Variants in F2R observed in about 807,000 individuals in gnomAD.
The protein encoded by F2R is proteinase-activated receptor 1.
Under a neutral mutation model 18.3 loss-of-function variants are expected in F2R, and 12 were observed. The observed-to-expected ratio is 0.66, with a 90% CI of 0.42 to 1.06. The LOEUF is 1.06. F2R is among the 50% of genes least tolerant of loss of function. The pLI is 0.00. For synonymous variants in F2R, 210 were observed against 219.9 expected (o/e 0.95, Z 0.40); for missense variants, 438 against 530.8 (o/e 0.83, Z 1.72).
In F2R at chr5:76,733,343, A is replaced by G; in HGVS notation, c.1118A>G (p.Tyr373Cys). ...TGCATCGACCCCCTAATTTACTATT[A>G]CGCTTCCTCTGAGTGCCAGAGGTAC... ...SCCIDPLIYYYASSECQRYVY... is the reference protein window; with the variant it reads ...SCCIDPLIYYCASSECQRYVY... The change falls in exon 2 of 2, where the codon TAC becomes TGC. Residue 373 changes from tyrosine to cysteine, a missense_variant. Transcript: ENST00000319211. 2 of 1,614,174 alleles carry G rather than the reference A, an allele frequency of 1.2e-6. No homozygotes were observed. The highest frequency in any genetic ancestry group is 1.7e-6 in the Non-Finnish European group (2 of 1,180,028).
In F2R at chr5:76,732,443, C is replaced by G. The variant is rs768222992; in HGVS notation, c.218C>G (p.Ser73Cys). The change falls in exon 2 of 2, where the codon TCC becomes TGC. Residue 73 changes from serine (S) to cysteine (C), a missense_variant. Transcript: ENST00000319211. ...GGGTTAACTGAATACAGATTAGTCT[C>G]CATCAATAAAAGCAGTCCTCTTCAA... Reference protein sequence around the residue: ...ESGLTEYRLVSINKSSPLQKQ... With the variant: ...ESGLTEYRLVCINKSSPLQKQ... The G allele has an allele frequency of 8.7e-6, 14 of 1,614,018 alleles. No homozygotes were observed. In the Admixed American group the frequency reaches 1.5e-4, roughly 17 times the overall value.
At chr5:76,722,485 C>A (rs911849423) in intron 1 of F2R, among the ~76,000 whole-genome samples, 3 of 152,134 alleles carry the variant, frequency 2.0e-5, no homozygotes, top group East Asian at 1.9e-4. Context: ...AGTCTTCATG[C>A]CTGCTGTGGC....
Position 76,728,849 on chromosome 5 carries a change from C to A in F2R, c.89-3465C>A, listed in dbSNP as rs192253007. Among the ~76,000 whole-genome samples the A allele has an allele frequency of 3.5e-3, 528 of 152,246 alleles. 13 individuals are homozygous for A. The highest frequency in any genetic ancestry group is 0.033 in the Admixed American group (509 of 15,286). On this transcript the variant is annotated intron_variant, in intron 1 of 1. Transcript: ENST00000319211. ...GGGATTATAGGTATGCGCTACCAAG[C>A]CTGGCTAATTTTTGTAATTTTAGTA...
At chr5:76,720,216 T>C (rs1306451191) in intron 1 of F2R, among the ~76,000 whole-genome samples, 1 of 152,050 alleles carries the variant, frequency 6.6e-6, no homozygotes, top group African/African-American at 2.4e-5. Flanking sequence ...TTGGGAACCC[T>C]AGGCCAGATG....
intron 1 of F2R, among the ~76,000 whole-genome samples, chr5:76,725,779 C>G (rs1303522313): frequency 6.6e-6 from 1 of 152,170 alleles, no homozygotes; most frequent in African/African-American, 2.4e-5. Flanking sequence ...TTTCATGTTT[C>G]CACAAGTATA....
chr5:76,733,262 C>T lies in F2R; in HGVS notation c.1037C>T (p.Thr346Ile). The T allele has an allele frequency of 3.1e-6, 5 of 1,614,180 alleles. No homozygotes were observed. The highest frequency in any genetic ancestry group is 3.4e-6 in the Non-Finnish European group (4 of 1,180,026). Reference sequence around the variant, plus strand: ...TCATTCCTTTCTCACACTTCCACCACAGAGGCTGCCTACTTTGCCTACCTC... The same window carrying T: ...TCATTCCTTTCTCACACTTCCACCATAGAGGCTGCCTACTTTGCCTACCTC... The part of the protein sequence containing the change: ...HYSFLSHTST[T>I]EAAYFAYLLC... The change falls in exon 2 of 2, where the codon ACA (threonine) becomes ATA (isoleucine). Residue 346 changes from threonine to isoleucine, a missense_variant. By Grantham distance (89) the Thr-to-Ile change is moderately conservative (BLOSUM62 -1). Coordinates refer to ENST00000319211, the MANE Select transcript of F2R (RefSeq NM_001992.5).
intron 1 of F2R, 25 bp from the exon 2 acceptor site, chr5:76,732,289 A>C (rs1052596034): frequency 6.5e-7 from 1 of 1,542,098 alleles, no homozygotes; most frequent in African/African-American, 1.4e-5. Flanking sequence ...TTTACATTTA[A>C]AATTTTTTTA....
chr5:76,732,692 C>A lies in F2R; in HGVS notation c.467C>A (p.Pro156His). Residue 156 changes from proline to histidine, a missense_variant, in exon 2 of 2, where the codon CCC (proline) becomes CAC (histidine). By Grantham distance (77) the Pro-to-His change is moderately conservative. Transcript: ENST00000319211. ...TADVLFVSVL[P>H]FKISYYFSGS... is the part of the protein sequence containing the mutation. ...GATGTGCTGTTTGTGTCTGTGCTCC[C>A]CTTTAAGATCAGCTATTACTTTTCC... The A allele has an allele frequency of 6.2e-7, 1 of 1,614,168 alleles. No homozygotes were observed. Among genetic ancestry groups the A allele is most frequent in the Non-Finnish European group, 8.5e-7 (1 of 1,180,028 alleles).
Position 76,726,393 on chromosome 5 carries a change from C to T in F2R, c.89-5921C>T, listed in dbSNP as rs370381387. ...AAAAATACAAAAAATTAGCCGGGCG[C>T]GGTGGCAGGCACCTGTAGTCCCAGC... On this transcript the variant is annotated intron_variant, in intron 1 of 1. Coordinates refer to ENST00000319211, the MANE Select transcript of F2R (RefSeq NM_001992.5). 1.8e-4 allele frequency among the ~76,000 whole-genome samples: 27 copies of T among 152,104 alleles called. 1 individual carries two copies. The Middle Eastern group carries it at 0.014, about 77-fold the overall frequency.
chr5:76,731,330 C>T (rs1748663793), intron 1 of F2R, among the ~76,000 whole-genome samples: 1 of 152,030 alleles, frequency 6.6e-6, no homozygotes, highest in South Asian at 2.1e-4. Context: ...TTTAAGAAAT[C>T]CCCTCTGGTG....
Position 76,716,260 on chromosome 5 carries a change from C to T in F2R, c.-48C>T. 1.5e-6 allele frequency: 2 copies of T among 1,320,398 alleles called. No homozygotes were observed. Among genetic ancestry groups the T allele is most frequent in the Non-Finnish European group, 1.9e-6 (2 of 1,034,556 alleles). 81.8% of individuals were successfully genotyped at this position (1,320,398 alleles called of 1,614,324 possible). The stretch of plus-strand genomic sequence containing the variant: ...AGGAGAGAGGGTGAAGCGGAGCAGC[C>T]CGAGGCGGGGCAGCCTCCCGGAGCA... On this transcript the variant is annotated 5_prime_UTR_variant, in exon 1 of 2. Transcript: ENST00000319211.
At position 76,716,303 on chromosome 5, in the gene F2R, G is replaced by A; in HGVS notation, c.-5G>A. On this transcript the variant is annotated 5_prime_UTR_variant, in exon 1 of 2. Coordinates refer to ENST00000319211, the MANE Select transcript of F2R (RefSeq NM_001992.5). The stretch of plus-strand genomic sequence containing the variant: ...CCGGAGCAGCGCCGCGCAGAGCCCG[G>A]GACAATGGGGCCGCGGCGGCTGCTG... 1 of 1,398,966 alleles carries A rather than the reference G, an allele frequency of 7.1e-7. No homozygotes were observed. Among genetic ancestry groups the A allele is most frequent in the Non-Finnish European group, 9.3e-7 (1 of 1,080,076 alleles). 86.7% of individuals were successfully genotyped at this position (1,398,966 alleles called of 1,614,324 possible).
intron 1 of F2R, chr5:76,716,828 G>T: frequency 3.8e-6 from 2 of 524,430 alleles, no homozygotes; most frequent in Non-Finnish European, 3.4e-6. Context: ...TTTGTTGGAA[G>T]TTTTTTTCTT....
At chr5:76,716,581 C>G in intron 1 of F2R, 186 bp downstream of exon 1, 1 of 683,012 alleles carries the variant, frequency 1.5e-6, no homozygotes, top group Non-Finnish European at 2.6e-6. Context: ...CTTCGCGGGC[C>G]CAGCCGATGC....
intron 1 of F2R, among the ~76,000 whole-genome samples, chr5:76,717,725 T>A (rs1425891123): frequency 6.6e-6 from 1 of 152,070 alleles, no homozygotes; most frequent in African/African-American, 2.4e-5. Flanking sequence ...ATTTGCACAA[T>A]GTAGTTTGAG....
At position 76,732,683 on chromosome 5, in the gene F2R, C is replaced by G. The variant is rs1256187160; in HGVS notation, c.458C>G (p.Ser153Cys). Residue 153 changes from serine (S) to cysteine (C), a missense_variant, in exon 2 of 2, where the codon TCT becomes TGT. Physicochemically the swap from Ser to Cys is moderately radical, Grantham distance 112 (BLOSUM62 -1). Transcript: ENST00000319211. ...HLATADVLFV[S>C]VLPFKISYYF... is the part of the protein sequence containing the mutation. ...GCCACGGCAGATGTGCTGTTTGTGT[C>G]TGTGCTCCCCTTTAAGATCAGCTAT... The G allele has an allele frequency of 1.9e-6, 3 of 1,614,090 alleles. No homozygotes were observed. Among genetic ancestry groups the G allele is most frequent in the African/African-American group, 1.3e-5 (1 of 74,920 alleles).
chr5:76,716,217 C>G lies in F2R; in HGVS notation c.-91C>G. The G allele has an allele frequency of 9.4e-7, 1 of 1,066,216 alleles. No individual in the cohort carries two copies. Among genetic ancestry groups the G allele is most frequent in the Non-Finnish European group, 1.2e-6 (1 of 816,748 alleles). The allele number at this position is 1,066,216 out of a possible 1,614,324, so 66.0% of individuals were successfully genotyped here. Reference sequence around the variant, plus strand: ...GCTCTGCCTGCCGCGAAGACCGGCTCCCCGACCCGCAGAAGTCAGGAGAGA... The same window carrying G: ...GCTCTGCCTGCCGCGAAGACCGGCTGCCCGACCCGCAGAAGTCAGGAGAGA... On this transcript the variant is annotated 5_prime_UTR_variant, in exon 1 of 2. Coordinates refer to ENST00000319211, the MANE Select transcript of F2R (RefSeq NM_001992.5).
chr5:76,716,604 G>A, intron 1 of F2R: 1 of 712,414 alleles, frequency 1.4e-6, no homozygotes, highest in Non-Finnish European at 2.5e-6. Flanking sequence ...CTTTGGACTC[G>A]ATCTTGGAGG....
chr5:76,728,446 A>G (rs570577676), intron 1 of F2R, among the ~76,000 whole-genome samples: 63 of 151,828 alleles, frequency 4.1e-4, no homozygotes, highest in Middle Eastern at 6.8e-3. Flanking sequence ...ATCATGCTAT[A>G]TTTGTCTTTC....
Sources: gnomAD v4.1 joint callset for allele counts (sites outside exome capture counted in the v4.1 genomes callset) on GRCh38, gnomAD v4.1.1 for gene constraint, MANE v1.5 for transcripts, NCBI Gene and HGNC (gene_info 2026-07-23, HGNC 2026-07-21) for gene names.